Variants in ANK3 observed in about 807,000 individuals in gnomAD.
The protein encoded by ANK3 is ankyrin-3.
In ANK3, 57 loss-of-function variants were observed where a neutral mutation model predicts 370.9. That is an observed-to-expected ratio of 0.15 (90% CI 0.12 to 0.19). ANK3 has a LOEUF of 0.19. ANK3 is among the 10% of genes least tolerant of loss of function. The pLI is 1.00. For synonymous variants in ANK3, 1,929 were observed against 1,946.3 expected, an observed-to-expected ratio of 0.99 and a Z score of 0.23; for missense variants, 4,439 against 5,302.1, an observed-to-expected ratio of 0.84 and a Z score of 5.06.
chr10:60,556,114 A>G (rs2077200814), intron 2 of ANK3, among the ~76,000 whole-genome samples: 1 of 152,226 alleles, frequency 6.6e-6, no homozygotes, highest in Non-Finnish European at 1.5e-5. Flanking sequence ...AGACATTAAA[A>G]GAGAATCAAC....
At chr10:60,151,320 C>T (rs2095103655) in intron 23 of ANK3, among the ~76,000 whole-genome samples, 1 of 152,120 alleles carries the variant, frequency 6.6e-6, no homozygotes, top group African/African-American at 2.4e-5. Flanking sequence ...GAGGTGGATC[C>T]CCCATGAATG....
intron 1 of ANK3, among the ~76,000 whole-genome samples, chr10:60,628,798 C>A (rs967408923): frequency 6.6e-5 from 10 of 152,170 alleles, no homozygotes; most frequent in Admixed American, 1.3e-4. Flanking sequence ...TGTCATAACA[C>A]TTTTCCCACT....
chr10:60,273,570 T>C (rs2098035828), intron 4 of ANK3, among the ~76,000 whole-genome samples: 1 of 152,204 alleles, frequency 6.6e-6, no homozygotes, highest in Admixed American at 6.5e-5. Context: ...ATATTCTATA[T>C]AAACAGAATC....
intron 12 of ANK3, 124 bp downstream of exon 12, chr10:60,202,878 G>T: frequency 1.6e-6 from 1 of 637,448 alleles, no homozygotes; most frequent in Non-Finnish European, 2.6e-6. Flanking sequence ...CTGTATTCCA[G>T]TCTGGGAGAC....
At chr10:60,579,614 C>T (rs1427798318) in intron 2 of ANK3, among the ~76,000 whole-genome samples, 1 of 151,998 alleles carries the variant, frequency 6.6e-6, no homozygotes, top group Non-Finnish European at 1.5e-5. Context: ...ATTATTAACC[C>T]TCAGAGTAGT....
intron 2 of ANK3, among the ~76,000 whole-genome samples, chr10:60,478,767 T>TA (rs2075136031): frequency 6.6e-6 from 1 of 152,226 alleles, no homozygotes; most frequent in East Asian, 1.9e-4. Flanking sequence ...TCTTAGTGGT[T>TA]AACAGCATAA....
chr10:60,172,236 T>C (rs921629774), intron 21 of ANK3, 72 bp downstream of exon 21: 2 of 1,188,100 alleles, frequency 1.7e-6, no homozygotes, highest in Non-Finnish European at 2.5e-6. Flanking sequence ...AAAATATTCA[T>C]CTCAGAAAAA....
At chr10:60,461,399 G>T (rs2064880262) in intron 2 of ANK3, among the ~76,000 whole-genome samples, 1 of 152,130 alleles carries the variant, frequency 6.6e-6, no homozygotes, top group African/African-American at 2.4e-5. Flanking sequence ...ACATATAACT[G>T]GATCAAAATG....
intron 38 of ANK3, 125 bp downstream of exon 38, chr10:60,067,810 G>C (rs902475530): frequency 1.1e-5 from 7 of 624,414 alleles, no homozygotes; most frequent in Non-Finnish European, 1.6e-5. Flanking sequence ...TAAAATTATT[G>C]GTGATAAAAA....
intron 1 of ANK3, among the ~76,000 whole-genome samples, chr10:60,305,231 G>A (rs960517079): frequency 2.0e-5 from 3 of 151,930 alleles, no homozygotes; most frequent in Non-Finnish European, 2.9e-5. Flanking sequence ...AAATTGCTGC[G>A]TTTTTTGGTC....
At chr10:60,505,300 T>C (rs536504764) in intron 2 of ANK3, among the ~76,000 whole-genome samples, 1 of 151,940 alleles carries the variant, frequency 6.6e-6, no homozygotes, top group South Asian at 2.1e-4. Flanking sequence ...CCTTTAAAAA[T>C]TATAGCATAA....
At chr10:60,085,341 A>G (rs2086391117) in intron 30 of ANK3, 88 bp from the exon 31 acceptor site, 7 of 1,006,498 alleles carry the variant, frequency 7.0e-6, no homozygotes, top group Non-Finnish European at 8.9e-6. Context: ...CTTTCTGCAT[A>G]GCCACAAACT....
chr10:60,256,194 G>C (rs1037069112), intron 7 of ANK3, among the ~76,000 whole-genome samples: 5 of 152,248 alleles, frequency 3.3e-5, no homozygotes, highest in Non-Finnish European at 7.3e-5. Context: ...GGACTTACGG[G>C]AGAAATTGTA....
At chr10:60,348,174 C>T (rs2056053354) in intron 1 of ANK3, among the ~76,000 whole-genome samples, 1 of 152,022 alleles carries the variant, frequency 6.6e-6, no homozygotes, top group African/African-American at 2.4e-5. Flanking sequence ...GAGGCTCCTC[C>T]ATCTTGCCTC....
intron 2 of ANK3, among the ~76,000 whole-genome samples, chr10:60,580,444 A>G (rs1345469481): frequency 6.6e-6 from 1 of 152,204 alleles, no homozygotes; most frequent in Non-Finnish European, 1.5e-5. Context: ...TATTATAAAC[A>G]TATTCAAATT....
chr10:60,286,720 T>G (rs1432274415), intron 1 of ANK3, among the ~76,000 whole-genome samples: 1 of 152,206 alleles, frequency 6.6e-6, no homozygotes, highest in Non-Finnish European at 1.5e-5. Flanking sequence ...CTGTTGCTTG[T>G]GACCTCATAT....
intron 25 of ANK3, 34 bp from the exon 26 acceptor site, chr10:60,114,365 A>G: frequency 8.2e-7 from 1 of 1,217,956 alleles, no homozygotes; most frequent in Non-Finnish European, 1.2e-6. Flanking sequence ...AATTACATCA[A>G]CAAACCATAC....
rs561948707 is a variant in ANK3 at position 60,111,742 on chromosome 10, A to G, written c.2948+2483T>C. On this transcript the variant is annotated intron_variant, in intron 26 of 43. Coordinates refer to ENST00000280772, the MANE Select transcript of ANK3 (RefSeq NM_020987.5). ...AAGGACACAGTTATCACCTTGAATC[A>G]TACTGAGGAAGTGGAGAAGAATAGC... 8.6e-4 allele frequency: 391 copies of G among 456,214 alleles called. 4 individuals carry two copies. Among genetic ancestry groups the G allele is most frequent in the South Asian group, 5.4e-3 (347 of 64,476 alleles). The allele number at this position is 456,214 out of a possible 1,614,324, so 28.3% of individuals were successfully genotyped here.
chr10:60,470,138 C>T lies in ANK3; in HGVS notation c.96+145048G>A, dbSNP rs137982184. The stretch of plus-strand genomic sequence containing the variant: ...CGGCTTTCCTTGGTTTCCAGCTAGT[C>T]GAATCAGAAAAATCACAGAAATGGT... On this transcript the variant is annotated intron_variant, in intron 2 of 43. Transcript: ENST00000373827. Among the ~76,000 whole-genome samples, 519 of 152,016 alleles carry T rather than the reference C, an allele frequency of 3.4e-3. 2 individuals carry two copies. The highest frequency in any genetic ancestry group is 0.012 in the African/African-American group (502 of 41,468).
Sources: gnomAD v4.1 joint callset for allele counts (sites outside exome capture counted in the v4.1 genomes callset) on GRCh38, gnomAD v4.1.1 for gene constraint, MANE v1.5 for transcripts, NCBI Gene and HGNC (gene_info 2026-07-23, HGNC 2026-07-21) for gene names.